ECD: variants seen among roughly 807,000 people sequenced by gnomAD.
ECD encodes ecdysoneless cell cycle regulator, also known as protein ecdysoneless homolog.
In ECD, 59 loss-of-function variants were observed where a neutral mutation model predicts 77.2. The ratio of observed to expected loss-of-function variants is 0.76; its 90% confidence interval spans 0.62 to 0.95. The LOEUF is 0.95. Ranked by LOEUF, ECD falls within the 40% of genes least tolerant of loss-of-function variation. The pLI, the probability that ECD is intolerant of heterozygous loss-of-function variation, is 0.00. For synonymous variants in ECD, 233 were observed against 267.4 expected (o/e 0.87, Z 1.26); for missense variants, 704 against 763.4 (o/e 0.92, Z 0.92).
At position 73,163,875 on chromosome 10, in the gene ECD, T is replaced by C. The variant is rs779531702; in HGVS notation, c.63A>G (p.Ile21Met). ...TATCTGAGTCCCTTGACTCATCTGG[T>C]ATCAGGAACAGGCAGTACTCCACTG... The part of the protein sequence containing the change: ...EDTVEYCLFL[I>M]PDESRDSDKH... The change falls in exon 2 of 14, where the codon ATA becomes ATG. Residue 21 changes from isoleucine (I) to methionine (M), a missense_variant. By Grantham distance (10) the Ile-to-Met change is conservative. This residue lies in a region of ECD where 559 missense variants were observed against 583.7 expected (regional missense o/e 0.96). Coordinates refer to ENST00000372979, the MANE Select transcript of ECD (RefSeq NM_007265.3). 4 of 1,614,200 alleles carry C rather than the reference T, an allele frequency of 2.5e-6. No individual in the cohort carries two copies. Among genetic ancestry groups the C allele is most frequent in the South Asian group, 1.1e-5 (1 of 91,082 alleles).
chr10:73,155,351 C>T (rs1054162043), intron 5 of ECD, among the ~76,000 whole-genome samples: 8 of 152,132 alleles, frequency 5.3e-5, no homozygotes, highest in Non-Finnish European at 1.0e-4. Flanking sequence ...CAGGCGTGAG[C>T]CACCGCGCCC....
rs918149383 is a variant in ECD, at chr10:73,163,831, T to C, written c.107A>G (p.Gln36Arg). The part of the protein sequence containing the change: ...RDSDKHKEIL[Q>R]KYIERIITRF... ...AGTGATTATTCTCTCAATGTACTTC[T>C]GAAGAATCTCTTTATGTTTATCTGA... is the stretch of plus-strand genomic sequence containing the variant. Residue 36 changes from glutamine to arginine, a missense_variant, in exon 2 of 14, where the codon CAG (glutamine) becomes CGG (arginine). Coordinates refer to ENST00000372979, the MANE Select transcript of ECD (RefSeq NM_007265.3). 2 of 1,614,104 alleles carry C rather than the reference T, an allele frequency of 1.2e-6. No homozygotes were observed. Among genetic ancestry groups the C allele is most frequent in the African/African-American group, 2.7e-5 (2 of 74,942 alleles).
chr10:73,144,492 A>G (rs949661611), intron 9 of ECD, among the ~76,000 whole-genome samples: 2 of 152,064 alleles, frequency 1.3e-5, no homozygotes, highest in Admixed American at 6.6e-5. Flanking sequence ...TCTATCTCAA[A>G]TAATAATAAT....
At chr10:73,141,241 C>T (rs943862928) in intron 9 of ECD, 6 of 150,996 alleles carry the variant, frequency 4.0e-5, no homozygotes, top group South Asian at 2.1e-4. Flanking sequence ...CGGTGGCTCA[C>T]GCCTGTAATC....
chr10:73,159,884 C>T (rs1309520109), intron 3 of ECD, among the ~76,000 whole-genome samples: 1 of 151,268 alleles, frequency 6.6e-6, no homozygotes, highest in Non-Finnish European at 1.5e-5. Flanking sequence ...AAATGATCCG[C>T]CTGCCTCGGC....
chr10:73,156,542 A>AT, intron 4 of ECD, 26 bp downstream of exon 4: 1 of 1,613,638 alleles, frequency 6.2e-7, no homozygotes, highest in East Asian at 2.2e-5. Flanking sequence ...CATCTCTATA[A>AT]ATTTTCTAAA....
At chr10:73,135,271 A>C (rs1842962628) in intron 13 of ECD, among the ~76,000 whole-genome samples, 1 of 152,226 alleles carries the variant, frequency 6.6e-6, no homozygotes, top group African/African-American at 2.4e-5. Flanking sequence ...TTGTGGTTCC[A>C]ACCACAAAGA....
At chr10:73,160,369 TA>T (rs1051051246) in intron 3 of ECD, 64 bp downstream of exon 3, 2 of 1,098,782 alleles carry the variant, frequency 1.8e-6, no homozygotes, top group Non-Finnish European at 2.6e-6. Flanking sequence ...ACTAAATAGA[TA>T]AAAATGTAGT....
At position 73,160,503 on chromosome 10, in the gene ECD, A is replaced by T; in HGVS notation, c.254T>A (p.Ile85Asn). Residue 85 changes from isoleucine (I) to asparagine (N), a missense_variant, in exon 3 of 14, where the codon ATT (isoleucine) becomes AAT (asparagine). Ile to Asn is a moderately radical substitution (Grantham distance 149). Coordinates refer to ENST00000372979, the MANE Select transcript of ECD (RefSeq NM_007265.3). ...MFGVTKFGDN[I>N]EDEWFIVYVI... ...ATAAACAATAAACCATTCATCCTCA[A>T]TGTTATCCCCAAACTTTGTCACGCC... 6.2e-7 allele frequency: 1 copy of T among 1,611,904 alleles called. No homozygotes were observed.
intron 2 of ECD, among the ~76,000 whole-genome samples, chr10:73,162,331 C>G (rs1288751959): frequency 2.0e-5 from 3 of 152,180 alleles, no homozygotes; most frequent in Non-Finnish European, 4.4e-5. Flanking sequence ...TAGCATCTGA[C>G]TGAACATGGT....
intron 9 of ECD, among the ~76,000 whole-genome samples, chr10:73,140,281 C>G (rs111524986): frequency 0.053 from 7,986 of 152,022 alleles, 658 homozygotes; most frequent in African/African-American, 0.17. Context: ...CCGCACCCAG[C>G]CTTCTAATTT....
Position 73,154,405 on chromosome 10 carries a change from A to T in ECD, c.634T>A (p.Phe212Ile). ...ACTGCCACAATGCCAGCTGGAAGGAAGCAGTGTGCTCGATGAAGTGAGGCC... is the reference window on the plus strand; with the variant it reads ...ACTGCCACAATGCCAGCTGGAAGGATGCAGTGTGCTCGATGAAGTGAGGCC... ...IQASLHRAHC[F>I]LPAGIVAVLK... Residue 212 changes from phenylalanine (F) to isoleucine (I), a missense_variant, in exon 6 of 14, where the codon TTC becomes ATC. Physicochemically the swap from Phe to Ile is conservative, Grantham distance 21. Around this residue, in one of 3 missense-constraint regions of ECD, gnomAD observed 559 missense variants for 583.7 expected, o/e 0.96. Transcript: ENST00000372979. 6.2e-7 allele frequency: 1 copy of T among 1,613,506 alleles called. No homozygotes were observed. The highest frequency in any genetic ancestry group is 8.5e-7 in the Non-Finnish European group (1 of 1,179,852).
At chr10:73,139,163 G>C in intron 11 of ECD, 146 bp downstream of exon 11, 1 of 706,908 alleles carries the variant, frequency 1.4e-6, no homozygotes, top group Admixed American at 3.6e-5. Context: ...AAATAAGTAA[G>C]TTATCACTAT....
At chr10:73,139,280 T>G in intron 11 of ECD, 29 bp downstream of exon 11, 4 of 1,561,706 alleles carry the variant, frequency 2.6e-6, no homozygotes, top group Non-Finnish European at 3.4e-6. Context: ...TTCTAGCTAT[T>G]TATATATTTA....
intron 3 of ECD, among the ~76,000 whole-genome samples, 195 bp from the exon 4 acceptor site, chr10:73,156,850 A>C (rs1002399131): frequency 5.3e-5 from 8 of 152,178 alleles, no homozygotes; most frequent in Admixed American, 4.6e-4. Flanking sequence ...TGTAAGGAGG[A>C]GTTGAAGGTA....
Position 73,137,091 on chromosome 10 carries a change from T to C in ECD, c.1490-173A>G, listed in dbSNP as rs145092994. 6.2e-3 allele frequency among the ~76,000 whole-genome samples: 945 copies of C among 151,972 alleles called. 13 individuals carry two copies. Among genetic ancestry groups the C allele is most frequent in the African/African-American group, 0.022 (895 of 41,516 alleles). Reference sequence around the variant, plus strand: ...AAATCCCTTCTACAAATGGTAATGCTGGCAGATATGTGTGCATTTAATGTT... The same window carrying C: ...AAATCCCTTCTACAAATGGTAATGCCGGCAGATATGTGTGCATTTAATGTT... On this transcript the variant is annotated intron_variant, in intron 12 of 13. Coordinates refer to ENST00000372979, the MANE Select transcript of ECD (RefSeq NM_007265.3).
At chr10:73,155,915 T>C (rs1843289983) in intron 5 of ECD, among the ~76,000 whole-genome samples, 1 of 152,162 alleles carries the variant, frequency 6.6e-6, no homozygotes, top group African/African-American at 2.4e-5. Context: ...ATGAAGTTTC[T>C]ATTTTTAAAG....
Position 73,160,438 on chromosome 10 carries a change from C to G in ECD, c.319G>C (p.Ala107Pro), listed in dbSNP as rs1474714955. Reference sequence around the variant, plus strand: ...TAATTAAAATAACTACAATACCTTGCTACTAACTCTGGAAATTCCTTTGTG... The same window carrying G: ...TAATTAAAATAACTACAATACCTTGGTACTAACTCTGGAAATTCCTTTGTG... ...QITKEFPELV[A>P]RIEDNDGEFL... Residue 107 changes from alanine to proline, a missense_variant, in exon 3 of 14, where the codon GCA becomes CCA. Ala to Pro is a conservative substitution (Grantham distance 27, BLOSUM62 -1). This residue lies in a region of ECD where 559 missense variants were observed against 583.7 expected (regional missense o/e 0.96). Coordinates refer to ENST00000372979, the MANE Select transcript of ECD (RefSeq NM_007265.3). 6.3e-7 allele frequency: 1 copy of G among 1,587,938 alleles called. No homozygotes were observed. Among genetic ancestry groups the G allele is most frequent in the South Asian group, 1.2e-5 (1 of 86,234 alleles).
At chr10:73,150,281 C>T (rs979987966) in intron 7 of ECD, among the ~76,000 whole-genome samples, 1 of 152,084 alleles carries the variant, frequency 6.6e-6, no homozygotes, top group African/African-American at 2.4e-5. Flanking sequence ...GGAAACGATT[C>T]CCTATTTAAT....
Sources: gnomAD v4.1 joint callset for allele counts (sites outside exome capture counted in the v4.1 genomes callset) on GRCh38, gnomAD v4.1.1 for gene constraint, gnomAD v4.1.1 regional missense constraint, MANE v1.5 for transcripts, NCBI Gene and HGNC (gene_info 2026-07-23, HGNC 2026-07-21) for gene names.